The following CCDC148 variants were observed in gnomAD, a reference collection of about 807,000 sequenced individuals.
CCDC148 encodes coiled-coil domain-containing protein 148.
A neutral mutation model predicts 85.7 loss-of-function variants in CCDC148; 89 were observed. The observed-to-expected ratio is 1.04, with a 90% CI of 0.87 to 1.24. The LOEUF is 1.24. Among genes scored for constraint, CCDC148 ranks in the 50% most tolerant of loss-of-function variants. The probability of loss-of-function intolerance (pLI) is 0.00; values close to 1 mark genes in which losing one functional copy is unlikely to be tolerated. For synonymous variants in CCDC148, 230 were observed against 213.9 expected, an observed-to-expected ratio of 1.08 and a Z score of -0.66; for missense variants, 692 against 671.7, an observed-to-expected ratio of 1.03 and a Z score of -0.33.
chr2:158,236,404 G>A (rs1688110245), intron 10 of CCDC148, among the ~76,000 whole-genome samples: 1 of 152,142 alleles, frequency 6.6e-6, no homozygotes, highest in Non-Finnish European at 1.5e-5. Flanking sequence ...TTCAGTATGG[G>A]CATTGAAATA....
intron 2 of CCDC148, 89 bp from the exon 3 acceptor site, chr2:158,345,407 T>A: frequency 1.2e-6 from 1 of 810,216 alleles, no homozygotes; most frequent in Non-Finnish European, 1.9e-6. Context: ...ATTTTCTAAG[T>A]TAAATAGTTT....
intron 10 of CCDC148, among the ~76,000 whole-genome samples, chr2:158,243,444 C>T (rs1004979037): frequency 3.3e-5 from 5 of 152,118 alleles, no homozygotes; most frequent in Non-Finnish European, 5.9e-5. Context: ...TTCCCAAGAA[C>T]CCAGCAGGAC....
At chr2:158,222,676 A>G (rs906970460) in intron 10 of CCDC148, among the ~76,000 whole-genome samples, 3 of 152,096 alleles carry the variant, frequency 2.0e-5, no homozygotes, top group African/African-American at 2.4e-5. Context: ...CATTTTCCTC[A>G]TTGTTAACTG....
intron 1 of CCDC148, among the ~76,000 whole-genome samples, chr2:158,443,515 A>AAAAAAAAGAAAAGAAAAG (rs1553524471): frequency 9.9e-6 from 1 of 100,900 alleles, no homozygotes; most frequent in Admixed American, 1.2e-4. Flanking sequence ...AAAAAAAAAA[A>AAAAAAAAGAAAAGAAAAG]AAAAAAAAGA....
chr2:158,183,396 G>A (rs1435246516), intron 11 of CCDC148, among the ~76,000 whole-genome samples: 1 of 152,068 alleles, frequency 6.6e-6, no homozygotes, highest in African/African-American at 2.4e-5. Flanking sequence ...GCTTCCCTGG[G>A]CTTCACTGAA....
chr2:158,394,331 C>T (rs936106320), intron 1 of CCDC148, among the ~76,000 whole-genome samples: 2 of 151,780 alleles, frequency 1.3e-5, no homozygotes, highest in Admixed American at 1.3e-4. Flanking sequence ...GCATCTGAAC[C>T]AAAATGAAAG....
intron 7 of CCDC148, among the ~76,000 whole-genome samples, chr2:158,329,056 T>C (rs1268348202): frequency 6.6e-6 from 1 of 152,228 alleles, no homozygotes; most frequent in Non-Finnish European, 1.5e-5. Context: ...TTGTTGCCAT[T>C]GCTTTTGGTG....
Position 158,406,253 on chromosome 2 carries a change from C to T in CCDC148, c.26-47683G>A, listed in dbSNP as rs1453324606. ...ACACATACCCAAAGGCTGTCCACAT[C>T]CCCTCTGCTGCCTGAAGCCTAAGCA... On this transcript the variant is annotated intron_variant, in intron 1 of 13. Transcript: ENST00000283233. 2.0e-5 allele frequency among the ~76,000 whole-genome samples: 3 copies of T among 152,272 alleles called. No individual in the cohort carries two copies. In the South Asian group the frequency reaches 6.2e-4, roughly 32 times the overall value.
chr2:158,340,917 G>A (rs1167090809), intron 3 of CCDC148, among the ~76,000 whole-genome samples: 1 of 152,154 alleles, frequency 6.6e-6, no homozygotes, highest in Non-Finnish European at 1.5e-5. Context: ...CATTGCATGT[G>A]GAGAGGACCC....
intron 10 of CCDC148, among the ~76,000 whole-genome samples, chr2:158,226,683 A>C (rs1389301356): frequency 1.3e-5 from 2 of 152,230 alleles, no homozygotes; most frequent in Non-Finnish European, 2.9e-5. Context: ...TCCAGCATAT[A>C]AACAGAACCA....
chr2:158,432,550 C>T (rs1230416291), intron 1 of CCDC148, among the ~76,000 whole-genome samples: 3 of 152,112 alleles, frequency 2.0e-5, no homozygotes, highest in Admixed American at 6.6e-5. Flanking sequence ...TCCAGAAGAA[C>T]AGAAAATCTG....
At chr2:158,425,279 T>A in intron 1 of CCDC148, 1 of 536,372 alleles carries the variant, frequency 1.9e-6, no homozygotes, top group Non-Finnish European at 3.7e-6. Flanking sequence ...GGGGTCGCAA[T>A]CACCAAAACA....
At chr2:158,202,505 C>A (rs917000277) in intron 11 of CCDC148, among the ~76,000 whole-genome samples, 1 of 152,170 alleles carries the variant, frequency 6.6e-6, no homozygotes, top group East Asian at 1.9e-4. Context: ...ACTGATGTTC[C>A]CCGCTTCTTC....
chr2:158,248,553 G>A (rs1329556043), intron 10 of CCDC148, among the ~76,000 whole-genome samples: 1 of 151,956 alleles, frequency 6.6e-6, no homozygotes, highest in Non-Finnish European at 1.5e-5. Context: ...ATATAAATAG[G>A]ACAACAAATT....
chr2:158,448,216 T>C (rs760756954), intron 1 of CCDC148, among the ~76,000 whole-genome samples: 4 of 152,232 alleles, frequency 2.6e-5, no homozygotes, highest in Non-Finnish European at 5.9e-5. Context: ...TTCTATTTCA[T>C]TGATCTAAGT....
At chr2:158,443,516 A>AAAAAAAAGAAAAG (rs1688033755) in intron 1 of CCDC148, among the ~76,000 whole-genome samples, 1 of 24,454 alleles carries the variant, frequency 4.1e-5, no homozygotes, top group East Asian at 1.4e-3. Context: ...AAAAAAAAAA[A>AAAAAAAAGAAAAG]AAAAAAAGAA....
chr2:158,290,620 C>A (rs1690844242), intron 9 of CCDC148, among the ~76,000 whole-genome samples: 1 of 152,168 alleles, frequency 6.6e-6, no homozygotes, highest in South Asian at 2.1e-4. Flanking sequence ...TCCTTCCCCA[C>A]ATTCTATCAT....
chr2:158,199,393 C>T lies in CCDC148; in HGVS notation c.1371-20397G>A, dbSNP rs1002796433. Among the ~76,000 whole-genome samples, 37 of 151,966 alleles carry T rather than the reference C, an allele frequency of 2.4e-4. 1 individual carries two copies. Among genetic ancestry groups the T allele is most frequent in the African/African-American group, 8.2e-4 (34 of 41,376 alleles). ...CCAACTAGCTGGGATTATAGGCATC[C>T]GCCACCACCCCTGGCTAATTTTAGT... On this transcript the variant is annotated intron_variant, in intron 11 of 13. Coordinates refer to ENST00000283233, the MANE Select transcript of CCDC148 (RefSeq NM_138803.4).
chr2:158,209,911 C>CAAAATATTTTGTATTTTGTATATGGGA (rs1686467761), intron 11 of CCDC148, among the ~76,000 whole-genome samples: 1 of 132,180 alleles, frequency 7.6e-6, no homozygotes, highest in African/African-American at 3.3e-5. Flanking sequence ...AACTAATGGG[C>CAAAATATTTTGTATTTTGTATATGGGA]AAAATAACCA....
Sources: gnomAD v4.1 joint callset for allele counts (sites outside exome capture counted in the v4.1 genomes callset) on GRCh38, gnomAD v4.1.1 for gene constraint, MANE v1.5 for transcripts, NCBI Gene and HGNC (gene_info 2026-07-23, HGNC 2026-07-21) for gene names.